Variants in DNAJC7 observed in about 807,000 individuals in gnomAD.
DNAJC7 encodes the protein DnaJ heat shock protein family (Hsp40) member C7, also known as dnaJ homolog subfamily C member 7.
In DNAJC7, 18 loss-of-function variants were observed where a neutral mutation model predicts 67.4. The observed-to-expected ratio is 0.27, with a 90% CI of 0.18 to 0.40. The LOEUF is 0.40. Among genes scored for constraint, DNAJC7 ranks in the 10% least tolerant of loss-of-function variants. The probability of loss-of-function intolerance (pLI) is 1.00; values close to 1 mark genes in which losing one functional copy is unlikely to be tolerated. For missense variants in DNAJC7, 419 were observed against 613.8 expected (o/e 0.68, Z 3.35); for synonymous variants, 220 against 207.8 (o/e 1.06, Z -0.50).
chr17:41,983,011 C>G (rs949035028), intron 10 of DNAJC7, among the ~76,000 whole-genome samples: 14 of 151,550 alleles, frequency 9.2e-5, no homozygotes, highest in African/African-American at 3.4e-4. Flanking sequence ...ACTTAGGTTC[C>G]TCACTTTAGC....
chr17:41,990,412 C>T (rs1555647606), intron 5 of DNAJC7, 30 bp from the exon 6 acceptor site: 1 of 1,548,556 alleles, frequency 6.5e-7, no homozygotes, highest in South Asian at 1.2e-5. Context: ...AAATAAGGCT[C>T]TTCATCAGGG....
At chr17:41,998,711 G>T (rs2051725024) in intron 2 of DNAJC7, among the ~76,000 whole-genome samples, 1 of 152,194 alleles carries the variant, frequency 6.6e-6, no homozygotes, top group Non-Finnish European at 1.5e-5. Flanking sequence ...CGGGATTAAA[G>T]TATGCTGGCA....
At chr17:42,007,643 C>T (rs1389752200) in intron 1 of DNAJC7, among the ~76,000 whole-genome samples, 1 of 151,840 alleles carries the variant, frequency 6.6e-6, no homozygotes, top group Non-Finnish European at 1.5e-5. Flanking sequence ...TGTGCCTCAG[C>T]CTCCCTGGTA....
intron 1 of DNAJC7, chr17:42,015,974 G>A (rs1245661723): frequency 5.3e-5 from 8 of 152,234 alleles, no homozygotes; most frequent in Admixed American, 2.6e-4. Context: ...GCACTGGGAG[G>A]AATTTTGTTT....
At chr17:41,981,774 T>C in intron 12 of DNAJC7, 81 bp downstream of exon 12, 1 of 1,556,708 alleles carries the variant, frequency 6.4e-7, no homozygotes, top group Non-Finnish European at 8.7e-7. Flanking sequence ...CCAAATAGAC[T>C]CTCCCTCTGG....
At chr17:41,998,595 A>C (rs1840906373) in intron 2 of DNAJC7, among the ~76,000 whole-genome samples, 1 of 152,232 alleles carries the variant, frequency 6.6e-6, no homozygotes, top group Admixed American at 6.5e-5. Context: ...TTTTGAGGAG[A>C]GAGGCAGCTT....
Position 41,988,951 on chromosome 17 carries a change from T to G in DNAJC7, c.754-55A>C, listed in dbSNP as rs1178936202. 8.8e-6 allele frequency: 14 copies of G among 1,586,378 alleles called. No individual in the cohort carries two copies. The East Asian group carries it at 3.2e-4, about 36-fold the overall frequency. On this transcript the variant is annotated intron_variant, in intron 7 of 13. Transcript: ENST00000457167. ...TCATATCCACAAAGCCTCAGACCAT[T>G]GCACAGAGAGGCCAGACTCTATTTT...
intron 1 of DNAJC7, among the ~76,000 whole-genome samples, chr17:42,002,817 A>C (rs1205771892): frequency 2.0e-5 from 3 of 152,216 alleles, no homozygotes; most frequent in African/African-American, 7.2e-5. Flanking sequence ...CAATACATAT[A>C]AATTTGTTTA....
Position 41,979,657 on chromosome 17 carries a change from T to TAAAAA in DNAJC7, c.1384+2193_1384+2197dup, listed in dbSNP as rs71155200. On this transcript the variant is annotated intron_variant, in intron 12 of 13. Transcript: ENST00000457167. The stretch of plus-strand genomic sequence containing the variant: ...ACTGCACCCAGACTGGGCTCAGTCT[T>TAAAAA]AAAAAAAAAAAAAAAAAAAAAAAGG... 6.3e-4 allele frequency among the ~76,000 whole-genome samples: 30 copies of TAAAAA among 47,866 alleles called. 2 individuals are homozygous for TAAAAA. Among genetic ancestry groups the TAAAAA allele is most frequent in the Non-Finnish European group, 8.0e-4 (23 of 28,814 alleles). 31.4% of individuals were successfully genotyped at this position (47,866 alleles called of 152,430 possible).
intron 2 of DNAJC7, 29 bp downstream of exon 2, chr17:42,000,453 T>C (rs782507690): frequency 2.6e-6 from 4 of 1,533,446 alleles, no homozygotes; most frequent in Non-Finnish European, 3.6e-6. Flanking sequence ...AGTAAATGTT[T>C]TCTAGCGTAA....
intron 5 of DNAJC7, among the ~76,000 whole-genome samples, chr17:41,992,020 A>G (rs1433041606): frequency 1.3e-5 from 2 of 152,126 alleles, no homozygotes; most frequent in Non-Finnish European, 2.9e-5. Flanking sequence ...CACCTATTCC[A>G]AAACTGAAAT....
At chr17:42,012,984 A>T (rs2052159781) in intron 1 of DNAJC7, 1 of 152,050 alleles carries the variant, frequency 6.6e-6, no homozygotes, top group South Asian at 2.1e-4. Context: ...TTTTTTTTAC[A>T]GAGATGGGGG....
chr17:41,982,116 A>C lies in DNAJC7; in HGVS notation c.1232-109T>G. On this transcript the variant is annotated intron_variant, in intron 11 of 13. Coordinates refer to ENST00000457167, the MANE Select transcript of DNAJC7 (RefSeq NM_003315.4). ...AATTTTGGAATTTGGCACTTCCCAAAATTTGGAGGGTCCACAAGTCTGCAA... is the reference window on the plus strand; with the variant it reads ...AATTTTGGAATTTGGCACTTCCCAACATTTGGAGGGTCCACAAGTCTGCAA... The C allele has an allele frequency of 5.1e-6, 8 of 1,554,662 alleles. No homozygotes were observed. In the South Asian group the frequency reaches 9.8e-5, roughly 19 times the overall value.
At chr17:42,013,673 G>A (rs1425045415) in intron 1 of DNAJC7, 1 of 152,210 alleles carries the variant, frequency 6.6e-6, no homozygotes, top group Non-Finnish European at 1.5e-5. Context: ...CCACACAAGA[G>A]GAATCCAGGA....
At chr17:42,004,117 G>A (rs2051883967) in intron 1 of DNAJC7, among the ~76,000 whole-genome samples, 1 of 152,022 alleles carries the variant, frequency 6.6e-6, no homozygotes, top group African/African-American at 2.4e-5. Context: ...ACCATGCCCA[G>A]CTATTTTTTG....
chr17:41,985,129 T>C (rs2051344865), intron 9 of DNAJC7: 1 of 152,318 alleles, frequency 6.6e-6, no homozygotes, highest in Non-Finnish European at 1.5e-5. Context: ...GCGCCTGGCA[T>C]AAGCCCATTT....
rs71155200 is a variant in DNAJC7 at position 41,979,657 on chromosome 17, TAAA to T, written c.1384+2195_1384+2197del. On this transcript the variant is annotated intron_variant, in intron 12 of 13. Transcript: ENST00000457167. ...ACTGCACCCAGACTGGGCTCAGTCT[TAAA>T]AAAAAAAAAAAAAAAAAAAAGGCCG... is the stretch of plus-strand genomic sequence containing the variant. Among the ~76,000 whole-genome samples, 6 of 47,868 alleles carry T rather than the reference TAAA, an allele frequency of 1.3e-4. No homozygotes were observed. The East Asian group carries it at 3.6e-3, about 29-fold the overall frequency. 31.4% of individuals were successfully genotyped at this position (47,868 alleles called of 152,430 possible). A position where few individuals can be genotyped will look rare whatever the true frequency, so the allele number is the denominator to read the frequency against.
chr17:41,983,700 T>C, intron 9 of DNAJC7, 64 bp from the exon 10 acceptor site: 1 of 1,455,646 alleles, frequency 6.9e-7, no homozygotes, highest in Non-Finnish European at 9.4e-7. Flanking sequence ...TCAGGATCAC[T>C]CTAGGGCAAG....
chr17:41,995,397 T>G (rs941586955), intron 4 of DNAJC7, among the ~76,000 whole-genome samples: 1 of 152,208 alleles, frequency 6.6e-6, no homozygotes, highest in Non-Finnish European at 1.5e-5. Context: ...ATTGAGCATA[T>G]GTTTTGAGAT....
Sources: allele counts gnomAD v4.1 joint callset (sites outside exome capture counted in the v4.1 genomes callset), GRCh38; gene constraint gnomAD v4.1.1; transcripts MANE v1.5; gene names NCBI Gene and HGNC (gene_info 2026-07-23, HGNC 2026-07-21).